CNTN5: variants seen among roughly 807,000 people sequenced by gnomAD.
The protein encoded by CNTN5 is contactin 5, also known as contactin-5.
A neutral mutation model predicts 129.1 loss-of-function variants in CNTN5; 77 were observed. The observed-to-expected ratio is 0.60, with a 90% CI of 0.50 to 0.72. The LOEUF (loss-of-function observed/expected upper bound fraction) is 0.72. CNTN5 is among the 30% of genes least tolerant of loss of function. The pLI, the probability that CNTN5 is intolerant of heterozygous loss-of-function variation, is 0.00. For missense variants in CNTN5, 1,478 were observed against 1,328.8 expected (o/e 1.11, Z -1.75); for synonymous variants, 509 against 465.6 (o/e 1.09, Z -1.20).
intron 2 of CNTN5, among the ~76,000 whole-genome samples, chr11:99,532,763 T>TA (rs1382927894): frequency 2.6e-5 from 4 of 152,240 alleles, no homozygotes; most frequent in Non-Finnish European, 5.9e-5. Flanking sequence ...CTGCCATGAT[T>TA]ATAAGACCTC....
chr11:99,659,007 T>C (rs1417997025), intron 3 of CNTN5, among the ~76,000 whole-genome samples: 1 of 151,970 alleles, frequency 6.6e-6, no homozygotes, highest in Admixed American at 6.6e-5. Flanking sequence ...ACAAACATCA[T>C]TTTATATTGT....
Position 100,022,700 on chromosome 11 carries a change from G to C in CNTN5, c.980+20564G>C, listed in dbSNP as rs535238240. The stretch of plus-strand genomic sequence containing the variant: ...GGCCTGTTCCTCCAACATAATTGTA[G>C]GTAGGCCTAATAATTATGAATTATT... On this transcript the variant is annotated intron_variant, in intron 9 of 24. Coordinates refer to ENST00000524871, the MANE Select transcript of CNTN5 (RefSeq NM_014361.4). Among the ~76,000 whole-genome samples the C allele has an allele frequency of 4.6e-5, 7 of 152,236 alleles. No homozygotes were observed. The East Asian group carries it at 9.7e-4, about 21-fold the overall frequency.
intron 18 of CNTN5, among the ~76,000 whole-genome samples, chr11:100,285,814 C>A (rs527460378): frequency 6.6e-6 from 1 of 152,100 alleles, no homozygotes; most frequent in Admixed American, 6.5e-5. Context: ...ACGCAGAAGA[C>A]GGGTGATTTC....
At chr11:99,121,709 G>T (rs926410308) in intron 1 of CNTN5, among the ~76,000 whole-genome samples, 3 of 152,092 alleles carry the variant, frequency 2.0e-5, no homozygotes, top group African/African-American at 7.2e-5. Flanking sequence ...ACCAGAGGTG[G>T]TATCCTGTTA....
chr11:99,455,691 C>A (rs923623882), intron 2 of CNTN5, among the ~76,000 whole-genome samples: 2 of 151,844 alleles, frequency 1.3e-5, no homozygotes, highest in East Asian at 1.9e-4. Context: ...TACCTGCCAA[C>A]CAAAGCAGCC....
chr11:99,761,405 A>G (rs2135279516), intron 3 of CNTN5, among the ~76,000 whole-genome samples: 1 of 152,194 alleles, frequency 6.6e-6, no homozygotes, highest in African/African-American at 2.4e-5. Context: ...TCCCAATGCT[A>G]TCCATCCCCC....
intron 13 of CNTN5, among the ~76,000 whole-genome samples, chr11:100,152,247 C>G (rs544187377): frequency 6.6e-6 from 1 of 152,220 alleles, no homozygotes; most frequent in Admixed American, 6.5e-5. Flanking sequence ...TCCAGCAAGT[C>G]TTGCTGTATT....
intron 18 of CNTN5, among the ~76,000 whole-genome samples, chr11:100,277,550 G>T (rs771550026): frequency 6.6e-6 from 1 of 151,900 alleles, no homozygotes; most frequent in African/African-American, 2.4e-5. Context: ...TTGAAGTTTT[G>T]ATTTGCATTC....
intron 2 of CNTN5, among the ~76,000 whole-genome samples, chr11:99,384,495 C>T (rs1940799528): frequency 6.6e-6 from 1 of 152,156 alleles, no homozygotes; most frequent in Non-Finnish European, 1.5e-5. Flanking sequence ...GGACTCAGGA[C>T]ACCAGAAAAG....
intron 13 of CNTN5, among the ~76,000 whole-genome samples, chr11:100,122,425 C>T (rs1242936404): frequency 2.0e-5 from 3 of 152,060 alleles, no homozygotes; most frequent in Non-Finnish European, 4.4e-5. Flanking sequence ...TCCACTCAGA[C>T]TCACTTGCTA....
intron 21 of CNTN5, chr11:100,309,732 A>G (rs1951432208): frequency 3.1e-6 from 3 of 983,570 alleles, no homozygotes; most frequent in Admixed American, 6.2e-5. Flanking sequence ...GCCCCTTTCT[A>G]TCCAACCGTA....
intron 2 of CNTN5, among the ~76,000 whole-genome samples, chr11:99,330,860 A>C (rs1865970997): frequency 6.6e-6 from 1 of 152,074 alleles, no homozygotes; most frequent in African/African-American, 2.4e-5. Flanking sequence ...ATTTCTTTTT[A>C]ATTAAAATAC....
At position 99,687,983 on chromosome 11, in the gene CNTN5, A is replaced by T. The variant is rs539958001; in HGVS notation, c.56-131561A>T. On this transcript the variant is annotated intron_variant, in intron 3 of 24. Coordinates refer to ENST00000524871, the MANE Select transcript of CNTN5 (RefSeq NM_014361.4). ...AACTACAGCTTTGAATAATCCTCTGATTAGTTATTTTCCAGATTTCCAGGA... is the reference window on the plus strand; with the variant it reads ...AACTACAGCTTTGAATAATCCTCTGTTTAGTTATTTTCCAGATTTCCAGGA... Among the ~76,000 whole-genome samples, 9 of 152,292 alleles carry T rather than the reference A, an allele frequency of 5.9e-5. No individual in the cohort carries two copies. The East Asian group carries it at 1.7e-3, about 29-fold the overall frequency.
At chr11:99,314,784 G>T (rs1157754571) in intron 1 of CNTN5, among the ~76,000 whole-genome samples, 2 of 129,804 alleles carry the variant, frequency 1.5e-5, no homozygotes, top group Non-Finnish European at 3.6e-5. Flanking sequence ...AGGTGCACAT[G>T]TGTAATTAAA....
At chr11:99,069,179 T>C (rs1412628364) in intron 1 of CNTN5, among the ~76,000 whole-genome samples, 1 of 152,142 alleles carries the variant, frequency 6.6e-6, no homozygotes. Flanking sequence ...GGTGTTTTTT[T>C]CCCCAAATTG....
intron 1 of CNTN5, among the ~76,000 whole-genome samples, chr11:99,031,910 T>TC (rs1399357018): frequency 1.1e-5 from 1 of 93,332 alleles, no homozygotes; most frequent in Non-Finnish European, 2.0e-5. Context: ...ATGCTATCCC[T>TC]CCCCCCTCCC....
chr11:100,197,402 T>C (rs903335752), intron 15 of CNTN5, among the ~76,000 whole-genome samples: 1 of 151,982 alleles, frequency 6.6e-6, no homozygotes, highest in Non-Finnish European at 1.5e-5. Context: ...TTGGCTAGTT[T>C]GTGGATTTTA....
At chr11:99,993,447 G>C (rs550292118) in intron 8 of CNTN5, among the ~76,000 whole-genome samples, 2 of 152,188 alleles carry the variant, frequency 1.3e-5, no homozygotes, top group South Asian at 2.1e-4. Context: ...TTGGCACCAG[G>C]GATCAACTTC....
chr11:99,092,555 C>T (rs1275980400), intron 1 of CNTN5, among the ~76,000 whole-genome samples: 2 of 151,822 alleles, frequency 1.3e-5, no homozygotes, highest in Admixed American at 6.6e-5. Context: ...AAAGAAAGCT[C>T]AATGAATAAA....
Sources: allele counts gnomAD v4.1 joint callset (sites outside exome capture counted in the v4.1 genomes callset), GRCh38; gene constraint gnomAD v4.1.1; transcripts MANE v1.5; gene names NCBI Gene and HGNC (gene_info 2026-07-23, HGNC 2026-07-21).